Variants in CLIC4 observed in about 807,000 individuals in gnomAD.
The protein encoded by CLIC4 is chloride intracellular channel protein 4.
A neutral mutation model predicts 24.6 loss-of-function variants in CLIC4; 13 were observed. That is an observed-to-expected ratio of 0.53 (90% CI 0.34 to 0.84). The LOEUF is 0.84. Ranked by LOEUF, CLIC4 falls within the 40% of genes least tolerant of loss-of-function variation. The pLI is 0.01. For missense variants in CLIC4, 227 were observed against 301.7 expected, an observed-to-expected ratio of 0.75 and a Z score of 1.83; for synonymous variants, 104 against 111.3, an observed-to-expected ratio of 0.93 and a Z score of 0.41.
chr1:24,785,872 A>G (rs1006015808), intron 1 of CLIC4, among the ~76,000 whole-genome samples: 33 of 150,826 alleles, frequency 2.2e-4, no homozygotes, highest in Middle Eastern at 6.8e-3. Context: ...AAAAAAAAAA[A>G]AAAAGAAAAG....
At chr1:24,752,298 C>T (rs1373529976) in intron 1 of CLIC4, among the ~76,000 whole-genome samples, 1 of 152,108 alleles carries the variant, frequency 6.6e-6, no homozygotes, top group Non-Finnish European at 1.5e-5. Context: ...TAAGTTATCC[C>T]CCCACAAACA....
chr1:24,781,887 T>C (rs1478704896), intron 1 of CLIC4, among the ~76,000 whole-genome samples: 2 of 152,122 alleles, frequency 1.3e-5, no homozygotes, highest in African/African-American at 2.4e-5. Flanking sequence ...CCTGACCTCG[T>C]GTTCCGCCCG....
chr1:24,752,513 A>G (rs1348084192), intron 1 of CLIC4, among the ~76,000 whole-genome samples: 3 of 152,092 alleles, frequency 2.0e-5, no homozygotes, highest in Non-Finnish European at 4.4e-5. Flanking sequence ...TGGGGGGTGG[A>G]AAATATGGAG....
intron 1 of CLIC4, among the ~76,000 whole-genome samples, chr1:24,782,854 C>T (rs537950987): frequency 2.3e-4 from 35 of 152,136 alleles, no homozygotes; most frequent in Middle Eastern, 6.8e-3. Flanking sequence ...TGATGTTTGC[C>T]TGTATTCCTA....
At chr1:24,754,510 T>C (rs532110070) in intron 1 of CLIC4, among the ~76,000 whole-genome samples, 1 of 152,244 alleles carries the variant, frequency 6.6e-6, no homozygotes, top group Non-Finnish European at 1.5e-5. Flanking sequence ...GATTAAGGCA[T>C]GAGTTAAGAT....
At chr1:24,796,195 A>T (rs972127848) in intron 1 of CLIC4, among the ~76,000 whole-genome samples, 2 of 151,982 alleles carry the variant, frequency 1.3e-5, no homozygotes, top group African/African-American at 4.8e-5. Context: ...TTTATTTTTT[A>T]TTTTTATTTT....
intron 1 of CLIC4, among the ~76,000 whole-genome samples, chr1:24,746,063 C>T (rs1243113993): frequency 1.3e-5 from 2 of 151,996 alleles, no homozygotes; most frequent in African/African-American, 4.8e-5. Context: ...GCCCGCCGCC[C>T]GATGAGCTTT....
chr1:24,841,090 T>C lies in CLIC4; in HGVS notation c.*153T>C, dbSNP rs1639937608. ...AAGGATAGACAAGGTATAGTAGTTA[T>C]CTTAAAATATACACTCCTAAGCAGT... On this transcript the variant is annotated 3_prime_UTR_variant, in exon 6 of 6. Coordinates refer to ENST00000374379, the MANE Select transcript of CLIC4 (RefSeq NM_013943.3). The C allele has an allele frequency of 1.9e-6, 1 of 536,250 alleles. No individual in the cohort carries two copies. The highest frequency in any genetic ancestry group is 4.0e-5 in the South Asian group (1 of 25,188). The allele number at this position is 536,250 out of a possible 1,614,324, so 33.2% of individuals were successfully genotyped here.
At chr1:24,756,156 C>T (rs892144056) in intron 1 of CLIC4, among the ~76,000 whole-genome samples, 3 of 152,080 alleles carry the variant, frequency 2.0e-5, no homozygotes, top group East Asian at 1.9e-4. Context: ...CCCGCCACCA[C>T]GCCTGGCTGA....
chr1:24,831,638 T>C (rs551372724), intron 4 of CLIC4, among the ~76,000 whole-genome samples: 17 of 152,276 alleles, frequency 1.1e-4, no homozygotes, highest in African/African-American at 4.1e-4. Flanking sequence ...TTTTATTTTT[T>C]TGGTTTTTTG....
chr1:24,827,164 A>C, intron 4 of CLIC4, 48 bp downstream of exon 4: 1 of 1,128,740 alleles, frequency 8.9e-7, no homozygotes, highest in Non-Finnish European at 1.3e-6. Context: ...AACCCCAAAC[A>C]ACAACAGGCT....
chr1:24,809,489 G>T (rs1639589975), intron 2 of CLIC4, among the ~76,000 whole-genome samples: 1 of 151,864 alleles, frequency 6.6e-6, no homozygotes, highest in African/African-American at 2.4e-5. Context: ...ACTATTTTTG[G>T]AGACAGAGTC....
At chr1:24,814,073 G>A in intron 2 of CLIC4, 21 bp from the exon 3 acceptor site, 2 of 1,612,548 alleles carry the variant, frequency 1.2e-6, no homozygotes, top group Non-Finnish European at 1.7e-6. Flanking sequence ...ATCTGATTTT[G>A]ACCAATATTT....
intron 1 of CLIC4, among the ~76,000 whole-genome samples, chr1:24,790,199 G>A (rs1186464176): frequency 6.6e-6 from 1 of 152,226 alleles, no homozygotes; most frequent in Non-Finnish European, 1.5e-5. Context: ...AGCCTCCCGA[G>A]TGGCTGGGAT....
chr1:24,755,334 G>T (rs947959804), intron 1 of CLIC4, among the ~76,000 whole-genome samples: 1 of 151,254 alleles, frequency 6.6e-6, no homozygotes, highest in African/African-American at 2.4e-5. Context: ...AGCTACTCAG[G>T]AGGCTGAGGC....
At chr1:24,775,548 TTC>T (rs1395411946) in intron 1 of CLIC4, among the ~76,000 whole-genome samples, 1 of 150,976 alleles carries the variant, frequency 6.6e-6, no homozygotes, top group Non-Finnish European at 1.5e-5. Flanking sequence ...TTTCTTTCTT[TTC>T]TCTTTCTTTC....
rs572892215 is a variant in CLIC4 at position 24,760,515 on chromosome 1, T to G, written c.72+14890T>G. ...CCGCAGCTGCAGATATGCCTCATATTGTATCTAGATTGGTCTTAAACATGC... is the reference window on the plus strand; with the variant it reads ...CCGCAGCTGCAGATATGCCTCATATGGTATCTAGATTGGTCTTAAACATGC... On this transcript the variant is annotated intron_variant, in intron 1 of 5. Coordinates refer to ENST00000374379, the MANE Select transcript of CLIC4 (RefSeq NM_013943.3). Among the ~76,000 whole-genome samples the G allele has an allele frequency of 2.6e-3, 396 of 152,328 alleles. 2 individuals are homozygous for G. The highest frequency in any genetic ancestry group is 4.5e-3 in the Non-Finnish European group (306 of 68,028).
Position 24,841,033 on chromosome 1 carries a change from G to C in CLIC4, c.*96G>C. The C allele has an allele frequency of 9.9e-7, 1 of 1,006,150 alleles. No homozygotes were observed. The highest frequency in any genetic ancestry group is 1.8e-5 in the South Asian group (1 of 56,680). The allele number at this position is 1,006,150 out of a possible 1,614,324, so 62.3% of individuals were successfully genotyped here. ...TCCTGTAGAGCAGAAATTGTATTTT[G>C]CACGAACATGCAGTTATTGAAGATT... On this transcript the variant is annotated 3_prime_UTR_variant, in exon 6 of 6. Coordinates refer to ENST00000374379, the MANE Select transcript of CLIC4 (RefSeq NM_013943.3).
intron 2 of CLIC4, chr1:24,798,084 GAGTA>G: frequency 2.7e-6 from 1 of 375,972 alleles, no homozygotes; most frequent in Non-Finnish European, 4.8e-6. Context: ...TAAATTTCAT[GAGTA>G]GCACTAGGAG....
Sources: allele counts gnomAD v4.1 joint callset (sites outside exome capture counted in the v4.1 genomes callset), GRCh38; gene constraint gnomAD v4.1.1; transcripts MANE v1.5; gene names NCBI Gene and HGNC (gene_info 2026-07-23, HGNC 2026-07-21).